Variants in INTS8 observed in about 807,000 individuals in gnomAD.
INTS8 encodes integrator complex subunit 8, also known as protein kaonashi-1.
Under a neutral mutation model 138.9 loss-of-function variants are expected in INTS8, and 47 were observed. The ratio of observed to expected loss-of-function variants is 0.34; its 90% CI spans 0.27 to 0.43. The LOEUF is 0.43. INTS8 is among the 20% of genes least tolerant of loss of function. The pLI, the probability that INTS8 is intolerant of heterozygous loss-of-function variation, is 1.00. For missense variants in INTS8, 996 were observed against 1,173.0 expected (o/e 0.85, Z 2.20); for synonymous variants, 392 against 400.9 (o/e 0.98, Z 0.27).
At chr8:94,831,439 G>GA (rs1814707976) in intron 5 of INTS8, among the ~76,000 whole-genome samples, 1 of 147,766 alleles carries the variant, frequency 6.8e-6, no homozygotes, top group South Asian at 2.2e-4. Flanking sequence ...CTTTTCTACA[G>GA]AAAAAAGATA....
chr8:94,879,301 A>G (rs1391886852), intron 26 of INTS8, among the ~76,000 whole-genome samples: 1 of 152,180 alleles, frequency 6.6e-6, no homozygotes, highest in Non-Finnish European at 1.5e-5. Flanking sequence ...CTTATTGTTT[A>G]AAGAAATTCT....
At chr8:94,835,442 C>T (rs919885267) in intron 6 of INTS8, among the ~76,000 whole-genome samples, 4 of 152,114 alleles carry the variant, frequency 2.6e-5, no homozygotes, top group South Asian at 2.1e-4. Flanking sequence ...TAGAAACATA[C>T]GACTGGAAAA....
At chr8:94,876,685 G>T (rs1043073130) in intron 26 of INTS8, 196 bp downstream of exon 26, 1 of 472,520 alleles carries the variant, frequency 2.1e-6, no homozygotes, top group African/African-American at 2.0e-5. Context: ...TAAAATGTTA[G>T]ATCATGTCAT....
chr8:94,861,539 G>A (rs1358088519), intron 16 of INTS8, among the ~76,000 whole-genome samples: 1 of 151,530 alleles, frequency 6.6e-6, no homozygotes, highest in African/African-American at 2.4e-5. Flanking sequence ...GGGATTACAG[G>A]CGTGAGCCAT....
Position 94,829,030 on chromosome 8 carries a change from A to T in INTS8, c.570+4A>T. On this transcript the variant is annotated splice_donor_region_variant and intron_variant, in intron 5 of 26. Coordinates refer to ENST00000523731, the MANE Select transcript of INTS8 (RefSeq NM_017864.4). ...AACAGAAAACATTTTGAAAGTGGTA[A>T]GTATTGGCATCAGTTACACAGTAAC... is the stretch of plus-strand genomic sequence containing the variant. The T allele has an allele frequency of 6.3e-7, 1 of 1,593,484 alleles. No individual in the cohort carries two copies.
Position 94,880,207 on chromosome 8 carries a change from C to T in INTS8, c.2961C>T (p.Leu987=), listed in dbSNP as rs762914465. The change falls in exon 27 of 27, where the codon CTC becomes CTT. Residue 987 remains leucine, a synonymous_variant. Coordinates refer to ENST00000523731, the MANE Select transcript of INTS8 (RefSeq NM_017864.4). ...CGCAGAGAAGGAAAAAAAAGTTTCT[C>T]CAAGCAATGGCAAAACTTTACTTTT... ...LAAQRRKKKF[L]QAMAKLYF The T allele has an allele frequency of 5.6e-6, 9 of 1,605,738 alleles. No individual in the cohort carries two copies. The highest frequency in any genetic ancestry group is 7.6e-6 in the Non-Finnish European group (9 of 1,176,756).
rs766817593 is a variant in INTS8 at position 94,827,709 on chromosome 8, GTCTTT to G, written c.447-8_447-4del. ...TAATGTATGAAATTTTCTTTTTCCTGTCTTTTCTTCAGGGCAATTAGGACAATTGT... is the reference window on the plus strand; with the variant it reads ...TAATGTATGAAATTTTCTTTTTCCTGTCTTCAGGGCAATTAGGACAATTGT... On this transcript the variant is annotated splice_region_variant and splice_polypyrimidine_tract_variant and intron_variant, in intron 3 of 26. Coordinates refer to ENST00000523731, the MANE Select transcript of INTS8 (RefSeq NM_017864.4). 371 of 1,610,078 alleles carry G rather than the reference GTCTTT, an allele frequency of 2.3e-4. No individual in the cohort carries two copies. Among genetic ancestry groups the G allele is most frequent in the Non-Finnish European group, 2.9e-4 (337 of 1,177,098 alleles).
At chr8:94,835,133 G>T (rs1251932704) in intron 6 of INTS8, among the ~76,000 whole-genome samples, 1 of 152,184 alleles carries the variant, frequency 6.6e-6, no homozygotes, top group Admixed American at 6.5e-5. Context: ...TCTTAAGTCA[G>T]TCAGATCAAG....
At chr8:94,871,666 C>T (rs1459028923) in intron 20 of INTS8, among the ~76,000 whole-genome samples, 3 of 152,116 alleles carry the variant, frequency 2.0e-5, no homozygotes, top group African/African-American at 7.2e-5. Flanking sequence ...GAAAAGAGAA[C>T]AAAAATCAGA....
chr8:94,844,416 A>C (rs1372406378), intron 10 of INTS8, among the ~76,000 whole-genome samples: 1 of 152,074 alleles, frequency 6.6e-6, no homozygotes, highest in African/African-American at 2.4e-5. Flanking sequence ...TCCCAGTTTC[A>C]AGTGATTCTC....
At chr8:94,861,790 A>T (rs1815995529) in intron 16 of INTS8, among the ~76,000 whole-genome samples, 1 of 151,418 alleles carries the variant, frequency 6.6e-6, no homozygotes, top group Non-Finnish European at 1.5e-5. Flanking sequence ...ACCTCAGGTG[A>T]TCCGCCCACC....
At chr8:94,835,840 C>T (rs528668288) in intron 6 of INTS8, among the ~76,000 whole-genome samples, 2 of 152,268 alleles carry the variant, frequency 1.3e-5, no homozygotes, top group Admixed American at 1.3e-4. Flanking sequence ...CCTCGTGATC[C>T]ACCCGCCTCG....
intron 15 of INTS8, among the ~76,000 whole-genome samples, chr8:94,857,397 T>A (rs1012050472): frequency 1.3e-5 from 2 of 152,186 alleles, no homozygotes; most frequent in East Asian, 3.9e-4. Flanking sequence ...TTGAAAAAAG[T>A]TATTTCACTC....
At chr8:94,856,318 G>A (rs1815743625) in intron 14 of INTS8, among the ~76,000 whole-genome samples, 1 of 152,178 alleles carries the variant, frequency 6.6e-6, no homozygotes, top group African/African-American at 2.4e-5. Context: ...CATAAGAGAT[G>A]CATAGGAAAG....
chr8:94,868,676 TTTTC>T (rs1280725173), intron 20 of INTS8: 1 of 145,410 alleles, frequency 6.9e-6, no homozygotes, highest in African/African-American at 2.6e-5. Context: ...TTCTCTTTTC[TTTTC>T]TTTTTTTTTA....
chr8:94,851,494 A>C, intron 12 of INTS8, 59 bp from the exon 13 acceptor site: 1 of 1,204,986 alleles, frequency 8.3e-7, no homozygotes, highest in Non-Finnish European at 1.1e-6. Flanking sequence ...ATTTTAAGTA[A>C]ATTGTTATTC....
intron 2 of INTS8, among the ~76,000 whole-genome samples, chr8:94,826,817 G>A (rs73269198): frequency 0.16 from 23,904 of 151,964 alleles, 2,045 homozygotes; most frequent in Middle Eastern, 0.26. Context: ...AAATCTTTTC[G>A]CATTTAAGCC....
At chr8:94,835,878 G>A (rs776339477) in intron 6 of INTS8, among the ~76,000 whole-genome samples, 6 of 152,170 alleles carry the variant, frequency 3.9e-5, no homozygotes, top group Admixed American at 6.5e-5. Context: ...GTTTACAGGC[G>A]TGAGCCACTG....
intron 6 of INTS8, among the ~76,000 whole-genome samples, chr8:94,835,874 A>C (rs910866287): frequency 2.0e-5 from 3 of 152,224 alleles, no homozygotes; most frequent in East Asian, 1.9e-4. Flanking sequence ...CTGGGTTTAC[A>C]GGCGTGAGCC....
Sources: allele counts gnomAD v4.1 joint callset (sites outside exome capture counted in the v4.1 genomes callset), GRCh38; gene constraint gnomAD v4.1.1; transcripts MANE v1.5; gene names NCBI Gene and HGNC (gene_info 2026-07-23, HGNC 2026-07-21).